Variants in TMEM200A observed in about 807,000 individuals in gnomAD.
TMEM200A encodes transmembrane protein 200A.
Under a neutral mutation model 24.3 loss-of-function variants are expected in TMEM200A, and 12 were observed. The observed-to-expected ratio is 0.49, with a 90% CI of 0.32 to 0.80. TMEM200A has a LOEUF of 0.80. Ranked by LOEUF, TMEM200A falls within the 30% of genes least tolerant of loss-of-function variation. The pLI is 0.04. For missense variants in TMEM200A, 545 were observed against 614.4 expected, an observed-to-expected ratio of 0.89 and a Z score of 1.19; for synonymous variants, 224 against 224.4, an observed-to-expected ratio of 1.00 and a Z score of 0.02.
At chr6:130,397,882 ATTATT>A (rs1223569034) in intron 2 of TMEM200A, among the ~76,000 whole-genome samples, 2 of 151,308 alleles carry the variant, frequency 1.3e-5, no homozygotes, top group Non-Finnish European at 2.9e-5. Flanking sequence ...CATAATAATA[ATTATT>A]TTAAAATATA....
In TMEM200A at chr6:130,366,491, C is replaced by T. The variant is rs1285667116; in HGVS notation, c.-114C>T. On this transcript the variant is annotated 5_prime_UTR_variant, in exon 1 of 3. Transcript: ENST00000296978. This position sits in a 1 kb window ranked among gnomAD's most constrained non-coding sequence, Gnocchi z 4.4. ...GACCAGGACTGAGAACAGGGAGAGG[C>T]GACCCGACCCCCAGGGCCCGGTGCT... 3.0e-6 allele frequency: 3 copies of T among 985,588 alleles called. No individual in the cohort carries two copies. The highest frequency in any genetic ancestry group is 3.6e-6 in the Non-Finnish European group (3 of 830,230). 61.1% of individuals were successfully genotyped at this position (985,588 alleles called of 1,614,324 possible).
intron 1 of TMEM200A, among the ~76,000 whole-genome samples, chr6:130,368,935 A>G (rs1005209983): frequency 3.3e-5 from 5 of 152,198 alleles, no homozygotes; most frequent in Admixed American, 6.5e-5. Flanking sequence ...GACGATCTTT[A>G]TGGTCTCTCT....
At position 130,441,510 on chromosome 6, in the gene TMEM200A, T is replaced by A; in HGVS notation, c.1088T>A (p.Met363Lys). Reference sequence around the variant, plus strand: ...TTGTCGAGTCAGTACAAGTCATCTATGGCTCTCGGACCTGGGGCTGGACAG... The same window carrying A: ...TTGTCGAGTCAGTACAAGTCATCTAAGGCTCTCGGACCTGGGGCTGGACAG... ...ESLSSQYKSSMALGPGAGQLL... is the reference protein window; with the variant it reads ...ESLSSQYKSSKALGPGAGQLL... Residue 363 changes from methionine to lysine, a missense_variant, in exon 3 of 3, where the codon ATG becomes AAG. Transcript: ENST00000296978. The A allele has an allele frequency of 6.2e-7, 1 of 1,614,078 alleles. No homozygotes were observed. The highest frequency in any genetic ancestry group is 8.5e-7 in the Non-Finnish European group (1 of 1,179,980).
intron 1 of TMEM200A, chr6:130,383,090 T>C: frequency 1.0e-6 from 1 of 984,680 alleles, no homozygotes; most frequent in Non-Finnish European, 1.2e-6. Flanking sequence ...TGCTCAGGCA[T>C]TATTAAATTT....
intron 2 of TMEM200A, among the ~76,000 whole-genome samples, chr6:130,434,557 TG>T (rs1368929830): frequency 2.0e-5 from 3 of 152,198 alleles, no homozygotes; most frequent in African/African-American, 7.2e-5. Flanking sequence ...AAAACTGGTA[TG>T]GATTAGTGCC....
At chr6:130,418,211 A>G (rs1779503273) in intron 2 of TMEM200A, among the ~76,000 whole-genome samples, 1 of 152,006 alleles carries the variant, frequency 6.6e-6, no homozygotes, top group Non-Finnish European at 1.5e-5. Flanking sequence ...GCACAAAACC[A>G]TGTCCTGGTT....
chr6:130,404,573 C>T (rs937766714), intron 2 of TMEM200A, among the ~76,000 whole-genome samples: 6 of 152,118 alleles, frequency 3.9e-5, no homozygotes, highest in Admixed American at 1.3e-4. Context: ...GGATATAAGA[C>T]CTTTGTCAGA....
chr6:130,392,692 T>C (rs1284885141), intron 2 of TMEM200A, among the ~76,000 whole-genome samples: 5 of 152,204 alleles, frequency 3.3e-5, no homozygotes. Context: ...TGAGCTAACA[T>C]GTACTCATTT....
At chr6:130,371,083 G>A (rs2115065640) in intron 1 of TMEM200A, among the ~76,000 whole-genome samples, 1 of 152,324 alleles carries the variant, frequency 6.6e-6, no homozygotes, top group Admixed American at 6.5e-5. Context: ...GAGGTTATAT[G>A]TCAGGATGAA....
At chr6:130,437,839 C>A (rs970117267) in intron 2 of TMEM200A, 1 of 152,114 alleles carries the variant, frequency 6.6e-6, no homozygotes, top group African/African-American at 2.4e-5. Context: ...CTTAAAATAT[C>A]TTTTCTCATC....
At chr6:130,427,829 A>T (rs961345417) in intron 2 of TMEM200A, among the ~76,000 whole-genome samples, 4 of 151,884 alleles carry the variant, frequency 2.6e-5, no homozygotes, top group Non-Finnish European at 5.9e-5. Context: ...ATTTGTTAAC[A>T]GAACATTTCT....
chr6:130,394,853 A>G (rs887984145), intron 2 of TMEM200A, among the ~76,000 whole-genome samples: 1 of 152,142 alleles, frequency 6.6e-6, no homozygotes, highest in African/African-American at 2.4e-5. Context: ...CCTTTAGTGA[A>G]CAGTGAATCA....
intron 2 of TMEM200A, among the ~76,000 whole-genome samples, chr6:130,388,191 A>G (rs1218215021): frequency 2.0e-5 from 3 of 152,230 alleles, no homozygotes; most frequent in African/African-American, 7.2e-5. Context: ...CTAGGCAAGC[A>G]ATAAGGCTTG....
chr6:130,429,616 G>A (rs1779827414), intron 2 of TMEM200A, among the ~76,000 whole-genome samples: 1 of 152,142 alleles, frequency 6.6e-6, no homozygotes, highest in African/African-American at 2.4e-5. Context: ...AATCCCAGAT[G>A]CATCAGAAAA....
At position 130,441,891 on chromosome 6, in the gene TMEM200A, G is replaced by A. The variant is rs774264303; in HGVS notation, c.1469G>A (p.Arg490Lys). 1 of 1,595,052 alleles carries A rather than the reference G, an allele frequency of 6.3e-7. No homozygotes were observed. Among genetic ancestry groups the A allele is most frequent in the Non-Finnish European group, 8.5e-7 (1 of 1,173,272 alleles). ...CTAAAGAGGGGAACTTCTGAAACAAGGTTTTAATGTTAAAAGAATATATCA... is the reference window on the plus strand; with the variant it reads ...CTAAAGAGGGGAACTTCTGAAACAAAGTTTTAATGTTAAAAGAATATATCA... Reference protein sequence around the residue: ...NNLKRGTSETRF With the variant: ...NNLKRGTSETKF Residue 490 changes from arginine (R) to lysine (K), a missense_variant, in exon 3 of 3, where the codon AGG becomes AAG. Coordinates refer to ENST00000296978, the MANE Select transcript of TMEM200A (RefSeq NM_001258277.2).
At chr6:130,439,193 A>G (rs1207550132) in intron 2 of TMEM200A, 3 of 152,214 alleles carry the variant, frequency 2.0e-5, no homozygotes, top group African/African-American at 7.2e-5. Context: ...TGATTGATTA[A>G]TCTTGATTGT....
Position 130,441,062 on chromosome 6 carries a change from T to C in TMEM200A, c.640T>C (p.Ser214Pro). Reference sequence around the variant, plus strand: ...GGCAGCAAATACGATCGCCTCTTTCTCGGGTTTTCGGAGCAGTTTTCGAAT... The same window carrying C: ...GGCAGCAAATACGATCGCCTCTTTCCCGGGTTTTCGGAGCAGTTTTCGAAT... ...RLAANTIASF[S>P]GFRSSFRMDS... The change falls in exon 3 of 3, where the codon TCG becomes CCG. Residue 214 changes from serine to proline, a missense_variant. Coordinates refer to ENST00000296978, the MANE Select transcript of TMEM200A (RefSeq NM_001258277.2). 1.2e-6 allele frequency: 2 copies of C among 1,613,992 alleles called. No individual in the cohort carries two copies. Among genetic ancestry groups the C allele is most frequent in the South Asian group, 1.1e-5 (1 of 91,066 alleles).
rs530668361 is a variant in TMEM200A at position 130,399,911 on chromosome 6, C to T, written c.-17+14675C>T. Among the ~76,000 whole-genome samples the T allele has an allele frequency of 2.0e-5, 3 of 152,024 alleles. No individual in the cohort carries two copies. In the South Asian group the frequency reaches 6.2e-4, roughly 32 times the overall value. On this transcript the variant is annotated intron_variant, in intron 2 of 2. Transcript: ENST00000296978. Reference sequence around the variant, plus strand: ...CTTTGCATCTTCATAGCTTAGCTCCCACATATCAGTGAGAACATACAATGT... The same window carrying T: ...CTTTGCATCTTCATAGCTTAGCTCCTACATATCAGTGAGAACATACAATGT...
At chr6:130,383,126 C>A (rs1192799332) in intron 1 of TMEM200A, 1 of 901,004 alleles carries the variant, frequency 1.1e-6, no homozygotes, top group African/African-American at 1.8e-5. Flanking sequence ...ATTAGGACGG[C>A]ACTCCATGGG....
Sources: gnomAD v4.1 joint callset for allele counts (sites outside exome capture counted in the v4.1 genomes callset) on GRCh38, gnomAD v4.1.1 for gene constraint, Gnocchi (gnomAD v3.1) non-coding constraint, MANE v1.5 for transcripts, NCBI Gene and HGNC (gene_info 2026-07-23, HGNC 2026-07-21) for gene names.